Variants in CLYBL observed in about 807,000 individuals in gnomAD.
CLYBL encodes citramalyl-CoA lyase.
CLYBL carries 31 observed loss-of-function variants against 38.9 expected under a neutral mutation model. That is an observed-to-expected ratio of 0.80 (90% CI 0.60 to 1.08). The LOEUF (loss-of-function observed/expected upper bound fraction) is 1.08, where lower values mean the gene tolerates loss of function less well. Among genes scored for constraint, CLYBL ranks in the 50% least tolerant of loss-of-function variants. CLYBL has a pLI of 0.00. For synonymous variants in CLYBL, 171 were observed against 158.6 expected, an observed-to-expected ratio of 1.08 and a Z score of -0.59; for missense variants, 434 against 411.6, an observed-to-expected ratio of 1.05 and a Z score of -0.47.
intron 1 of CLYBL, among the ~76,000 whole-genome samples, chr13:99,735,061 A>G (rs2139582723): frequency 6.6e-6 from 1 of 152,318 alleles, no homozygotes; most frequent in East Asian, 1.9e-4. Flanking sequence ...TGGCCCTTTC[A>G]GTCAGAAGTT....
intron 1 of CLYBL, among the ~76,000 whole-genome samples, chr13:99,631,629 C>T (rs1184359092): frequency 2.6e-5 from 4 of 151,168 alleles, no homozygotes; most frequent in South Asian, 2.1e-4. Context: ...GTTGGAGTCT[C>T]GCTCAGTCGC....
chr13:99,694,974 T>C (rs575803670), intron 1 of CLYBL, among the ~76,000 whole-genome samples: 8 of 152,292 alleles, frequency 5.3e-5, no homozygotes, highest in Non-Finnish European at 1.2e-4. Flanking sequence ...TTAATCATCA[T>C]GGGGGCCTCA....
At chr13:99,771,590 G>A (rs1219857177) in intron 1 of CLYBL, among the ~76,000 whole-genome samples, 2 of 152,054 alleles carry the variant, frequency 1.3e-5, no homozygotes, top group South Asian at 2.1e-4. Context: ...TTACCATATC[G>A]TATGAGCTAA....
chr13:99,803,642 T>C (rs1306351911), intron 2 of CLYBL, among the ~76,000 whole-genome samples: 1 of 152,178 alleles, frequency 6.6e-6, no homozygotes, highest in Non-Finnish European at 1.5e-5. Flanking sequence ...ACAAAGAAAA[T>C]ATGTATGTAA....
intron 1 of CLYBL, among the ~76,000 whole-genome samples, chr13:99,723,381 G>A (rs1433378153): frequency 6.6e-6 from 1 of 152,224 alleles, no homozygotes; most frequent in Non-Finnish European, 1.5e-5. Flanking sequence ...ACCAATGACT[G>A]CATTTACCTA....
At chr13:99,873,406 T>G (rs1375801349) in intron 7 of CLYBL, among the ~76,000 whole-genome samples, 3 of 152,224 alleles carry the variant, frequency 2.0e-5, no homozygotes, top group Non-Finnish European at 2.9e-5. Flanking sequence ...GAATCACTGA[T>G]GAACACGTGA....
chr13:99,786,580 C>T (rs1286583815), intron 2 of CLYBL, among the ~76,000 whole-genome samples: 1 of 152,096 alleles, frequency 6.6e-6, no homozygotes, highest in African/African-American at 2.4e-5. Context: ...TGTATATGTG[C>T]CACATTTTCT....
chr13:99,723,839 A>G (rs1433650760), intron 1 of CLYBL, among the ~76,000 whole-genome samples: 5 of 152,236 alleles, frequency 3.3e-5, no homozygotes, highest in African/African-American at 1.2e-4. Context: ...ACCATTCATC[A>G]TGATGGTTAC....
Position 99,737,320 on chromosome 13 carries a change from C to T in CLYBL, c.63-35504C>T, listed in dbSNP as rs150677463. ...GGGCAAGTGTCTTCTCAGCCACAGTCGCTGTTATCAATTGGGCTTCCTGTG... is the reference window on the plus strand; with the variant it reads ...GGGCAAGTGTCTTCTCAGCCACAGTTGCTGTTATCAATTGGGCTTCCTGTG... On this transcript the variant is annotated intron_variant, in intron 1 of 8. Transcript: ENST00000339105. 4.7e-3 allele frequency among the ~76,000 whole-genome samples: 709 copies of T among 152,296 alleles called. 7 individuals carry two copies. The highest frequency in any genetic ancestry group is 6.7e-3 in the Non-Finnish European group (455 of 68,022).
At chr13:99,688,625 G>T in intron 1 of CLYBL, among the ~76,000 whole-genome samples, 2 of 149,076 alleles carry the variant, frequency 1.3e-5, no homozygotes, top group African/African-American at 4.9e-5. Context: ...GTACAAACTT[G>T]GCATTACTCT....
intron 1 of CLYBL, among the ~76,000 whole-genome samples, chr13:99,632,843 C>T (rs2046964946): frequency 6.6e-6 from 1 of 152,084 alleles, no homozygotes; most frequent in Non-Finnish European, 1.5e-5. Flanking sequence ...AGAGATGTTA[C>T]AATTAATAGA....
At chr13:99,748,935 T>C (rs2048905730) in intron 1 of CLYBL, among the ~76,000 whole-genome samples, 1 of 151,956 alleles carries the variant, frequency 6.6e-6, no homozygotes, top group African/African-American at 2.4e-5. Context: ...TCCCAACACT[T>C]TGGGAGGCCA....
chr13:99,633,668 G>A (rs1449148560), intron 1 of CLYBL, among the ~76,000 whole-genome samples: 1 of 152,058 alleles, frequency 6.6e-6, no homozygotes, highest in Non-Finnish European at 1.5e-5. Flanking sequence ...AAGTGTTCTT[G>A]AGCTAGTGGT....
At chr13:99,648,183 G>C (rs1439175301) in intron 1 of CLYBL, among the ~76,000 whole-genome samples, 3 of 152,140 alleles carry the variant, frequency 2.0e-5, no homozygotes, top group Admixed American at 6.5e-5. Flanking sequence ...TAATTAGGGA[G>C]CTGTCTGTTT....
At chr13:99,853,117 T>TGTAAACAGGGTGCCTGGCATG (rs1460755775) in intron 2 of CLYBL, among the ~76,000 whole-genome samples, 5 of 152,090 alleles carry the variant, frequency 3.3e-5, no homozygotes, top group Non-Finnish European at 2.9e-5. Flanking sequence ...AAAGCCATTG[T>TGTAAACAGGGTGCCTGGCATG]TCTAACATCT....
chr13:99,707,952 G>A (rs910760126), intron 1 of CLYBL, among the ~76,000 whole-genome samples: 10 of 152,128 alleles, frequency 6.6e-5, no homozygotes, highest in Non-Finnish European at 1.3e-4. Context: ...CCTGGACTTA[G>A]GGACTCTACA....
intron 2 of CLYBL, among the ~76,000 whole-genome samples, chr13:99,785,191 C>CT (rs58550861): frequency 0.022 from 754 of 34,218 alleles, 43 homozygotes; most frequent in East Asian, 0.036. Flanking sequence ...CCCCGCCTGG[C>CT]TTTTTTTTTT....
At chr13:99,776,507 GTTGTTTTTTT>G (rs2049520312) in intron 2 of CLYBL, among the ~76,000 whole-genome samples, 1 of 90,532 alleles carries the variant, frequency 1.1e-5, no homozygotes, top group Non-Finnish European at 2.6e-5. Flanking sequence ...AAAAAAAAAA[GTTGTTTTTTT>G]TTTTTTCTTA....
Position 99,606,693 on chromosome 13 carries a change from A to C in CLYBL, c.-3A>C, listed in dbSNP as rs2046524697. The C allele has an allele frequency of 6.7e-7, 1 of 1,487,088 alleles. No homozygotes were observed. The highest frequency in any genetic ancestry group is 8.9e-7 in the Non-Finnish European group (1 of 1,125,006). The allele number at this position is 1,487,088 out of a possible 1,614,324, so 92.1% of individuals were successfully genotyped here. On this transcript the variant is annotated 5_prime_UTR_variant, in exon 1 of 9. Transcript: ENST00000339105. ...CAAAGGGCGGGGCGCGCGCGTCGGG[A>C]AGATGGCGCTACGTCTGCTGCGGAG... is the stretch of plus-strand genomic sequence containing the variant.
Sources: gnomAD v4.1 joint callset for allele counts (sites outside exome capture counted in the v4.1 genomes callset) on GRCh38, gnomAD v4.1.1 for gene constraint, MANE v1.5 for transcripts, NCBI Gene and HGNC (gene_info 2026-07-23, HGNC 2026-07-21) for gene names.